SOX5: variants seen among roughly 807,000 people sequenced by gnomAD.
SOX5 encodes transcription factor SOX-5.
Under a neutral mutation model 92.0 loss-of-function variants are expected in SOX5, and 9 were observed. The observed-to-expected ratio is 0.10, with a 90% CI of 0.06 to 0.17. The LOEUF (loss-of-function observed/expected upper bound fraction) is 0.17. Among genes scored for constraint, SOX5 ranks in the 10% least tolerant of loss-of-function variants. The probability of loss-of-function intolerance (pLI) is 1.00; values close to 1 mark genes in which losing one functional copy is unlikely to be tolerated. For missense variants in SOX5, 642 were observed against 944.5 expected, an observed-to-expected ratio of 0.68 and a Z score of 4.20; for synonymous variants, 344 against 336.3, an observed-to-expected ratio of 1.02 and a Z score of -0.25.
chr12:23,961,377 T>G (rs1426990520), intron 4 of SOX5, among the ~76,000 whole-genome samples: 1 of 152,174 alleles, frequency 6.6e-6, no homozygotes, highest in Non-Finnish European at 1.5e-5. Context: ...TGCTCTGGCC[T>G]GGCCTCCTTA....
rs185431165 is a variant in SOX5 at position 24,138,258 on chromosome 12, C to T, written c.-2+75085G>A. 3.1e-4 allele frequency among the ~76,000 whole-genome samples: 47 copies of T among 152,194 alleles called. 2 individuals carry two copies. The East Asian group carries it at 6.8e-3, about 22-fold the overall frequency. On this transcript the variant is annotated intron_variant, in intron 4 of 4. Transcript: ENST00000446891. ...ATTCCTGTGTTCTTTAGCAGAAGTA[C>T]GAAAGCAAAAAAGGAAGTGTGCTTG... is the stretch of plus-strand genomic sequence containing the variant.
intron 2 of SOX5, among the ~76,000 whole-genome samples, chr12:24,358,080 T>C (rs1313977889): frequency 6.6e-6 from 1 of 152,164 alleles, no homozygotes; most frequent in Non-Finnish European, 1.5e-5. Context: ...CAATAAATAT[T>C]TGTTGAATGG....
intron 4 of SOX5, among the ~76,000 whole-genome samples, chr12:24,030,066 C>T (rs959636444): frequency 1.4e-4 from 22 of 151,912 alleles, no homozygotes; most frequent in African/African-American, 5.3e-4. Context: ...GGTTAAGTCA[C>T]AAGCTCAATT....
At chr12:23,775,204 A>C (rs186449090) in intron 3 of SOX5, among the ~76,000 whole-genome samples, 1 of 152,338 alleles carries the variant, frequency 6.6e-6, no homozygotes, top group African/African-American at 2.4e-5. Flanking sequence ...GTACATAATA[A>C]TATGAAAATC....
chr12:23,625,756 C>A (rs974141642), intron 8 of SOX5, among the ~76,000 whole-genome samples: 1 of 152,094 alleles, frequency 6.6e-6, no homozygotes, highest in Non-Finnish European at 1.5e-5. Flanking sequence ...ATTACAGGCG[C>A]CTGCCACCAC....
At chr12:23,861,896 C>T (rs1393129052) in intron 2 of SOX5, among the ~76,000 whole-genome samples, 1 of 152,140 alleles carries the variant, frequency 6.6e-6, no homozygotes, top group African/African-American at 2.4e-5. Context: ...CTATTGAACA[C>T]CTACAGACCT....
At chr12:23,877,554 C>A (rs200263864) in intron 2 of SOX5, among the ~76,000 whole-genome samples, 2 of 152,098 alleles carry the variant, frequency 1.3e-5, no homozygotes, top group East Asian at 3.9e-4. Flanking sequence ...GATATTACTT[C>A]CTGGTAATTT....
chr12:23,567,064 T>C (rs552479041), intron 10 of SOX5, among the ~76,000 whole-genome samples: 16 of 152,360 alleles, frequency 1.1e-4, no homozygotes, highest in African/African-American at 3.8e-4. Context: ...TCATTTTCCC[T>C]ATATGTTCAC....
intron 10 of SOX5, among the ~76,000 whole-genome samples, chr12:23,566,141 CATCT>C (rs373736333): frequency 2.6e-4 from 39 of 152,140 alleles, no homozygotes; most frequent in African/African-American, 8.2e-4. Flanking sequence ...TCATTTATAT[CATCT>C]ATCTAATTGT....
At chr12:23,753,507 T>G (rs1333558520) in intron 4 of SOX5, among the ~76,000 whole-genome samples, 1 of 151,872 alleles carries the variant, frequency 6.6e-6, no homozygotes, top group African/African-American at 2.4e-5. Flanking sequence ...AAAGGTTCTA[T>G]TTAAATACAT....
intron 11 of SOX5, among the ~76,000 whole-genome samples, chr12:23,555,135 G>A (rs1402510609): frequency 6.6e-6 from 1 of 151,988 alleles, no homozygotes; most frequent in Non-Finnish European, 1.5e-5. Context: ...CTAAACTATT[G>A]TTGCCATTTT....
In SOX5 at chr12:23,634,025, G is replaced by A. The variant is rs559790727; in HGVS notation, c.1017+6787C>T. ...ATACTCTTAGAATCTTCCAATGGGG[G>A]CAAGAAAAAACATCAAGTTCCCTGG... On this transcript the variant is annotated intron_variant, in intron 8 of 14. Transcript: ENST00000451604. Among the ~76,000 whole-genome samples the A allele has an allele frequency of 1.2e-4, 19 of 152,108 alleles. No homozygotes were observed. The South Asian group carries it at 3.7e-3, about 30-fold the overall frequency.
At chr12:23,834,180 C>T (rs547650130) in intron 3 of SOX5, among the ~76,000 whole-genome samples, 2 of 151,838 alleles carry the variant, frequency 1.3e-5, no homozygotes, top group African/African-American at 2.4e-5. Flanking sequence ...AGACGGGAAA[C>T]GACATTTAAG....
At chr12:24,435,203 G>A (rs566254314) in intron 1 of SOX5, among the ~76,000 whole-genome samples, 2 of 152,316 alleles carry the variant, frequency 1.3e-5, no homozygotes, top group East Asian at 3.9e-4. Flanking sequence ...GGTTGGTGTG[G>A]CCTAGAATGG....
At chr12:23,949,538 T>C (rs371923536) in intron 1 of SOX5, 26 bp downstream of exon 1, 215 of 1,612,904 alleles carry the variant, frequency 1.3e-4, no homozygotes, top group Non-Finnish European at 1.8e-4. Context: ...TACTTCAATA[T>C]ATTAGGGGGA....
At chr12:24,033,186 C>A (rs980734438) in intron 4 of SOX5, among the ~76,000 whole-genome samples, 8 of 151,852 alleles carry the variant, frequency 5.3e-5, no homozygotes, top group African/African-American at 1.7e-4. Context: ...TGTTATACAT[C>A]TTTTCCAAGT....
chr12:23,568,135 C>G (rs528967612), intron 10 of SOX5, among the ~76,000 whole-genome samples: 5 of 152,066 alleles, frequency 3.3e-5, no homozygotes, highest in African/African-American at 4.8e-5. Context: ...ATCCAATAAC[C>G]GGTTGCCTTA....
chr12:24,521,574 G>C (rs1287321724), intron 1 of SOX5, among the ~76,000 whole-genome samples: 1 of 152,096 alleles, frequency 6.6e-6, no homozygotes, highest in Non-Finnish European at 1.5e-5. Flanking sequence ...ACAAGTTCTT[G>C]ACAAATTTAA....
At chr12:23,838,824 C>T (rs527247088) in intron 3 of SOX5, among the ~76,000 whole-genome samples, 1 of 123,346 alleles carries the variant, frequency 8.1e-6, no homozygotes, top group Admixed American at 1.1e-4. Flanking sequence ...TTTTCTAATT[C>T]CCAGTAGTTC....
Sources: allele counts gnomAD v4.1 joint callset (sites outside exome capture counted in the v4.1 genomes callset), GRCh38; gene constraint gnomAD v4.1.1; transcripts MANE v1.5; gene names NCBI Gene and HGNC (gene_info 2026-07-23, HGNC 2026-07-21).